AZIN2: variants seen among roughly 807,000 people sequenced by gnomAD.
AZIN2 encodes antizyme inhibitor 2.
Under a neutral mutation model 47.8 loss-of-function variants are expected in AZIN2, and 28 were observed. That is an observed-to-expected ratio of 0.59 (90% CI 0.43 to 0.80). The LOEUF (loss-of-function observed/expected upper bound fraction) is 0.80, where lower values mean the gene tolerates loss of function less well. Among genes scored for constraint, AZIN2 ranks in the 30% least tolerant of loss-of-function variants. The pLI, the probability that AZIN2 is intolerant of heterozygous loss-of-function variation, is 0.00. For synonymous variants in AZIN2, 221 were observed against 239.4 expected, an observed-to-expected ratio of 0.92 and a Z score of 0.71; for missense variants, 535 against 582.5, an observed-to-expected ratio of 0.92 and a Z score of 0.84.
the AZIN2 span, among the ~76,000 whole-genome samples, chr1:33,137,673 G>A: frequency 6.6e-6 from 1 of 152,142 alleles, no homozygotes; most frequent in African/African-American, 2.4e-5. Context: ...CAGAGTATGG[G>A]CTTGGGCTGG....
At chr1:33,144,786 TTC>T in the AZIN2 span, among the ~76,000 whole-genome samples, 1 of 152,084 alleles carries the variant, frequency 6.6e-6, no homozygotes, top group South Asian at 2.1e-4. Flanking sequence ...GTCTAGGTGG[TTC>T]CATACCCGTC....
At chr1:33,138,195 T>C in the AZIN2 span, among the ~76,000 whole-genome samples, 115 of 152,224 alleles carry the variant, frequency 7.6e-4, 1 homozygote, top group African/African-American at 2.6e-3. Flanking sequence ...GCAGGTTCCC[T>C]ACTCAGAATG....
chr1:33,160,033 C>T, the AZIN2 span: 1 of 1,533,764 alleles, frequency 6.5e-7, no homozygotes, highest in South Asian at 1.2e-5. Context: ...CCTTGACACA[C>T]AGAGAGGAAA....
At chr1:33,128,715 G>A in the AZIN2 span, among the ~76,000 whole-genome samples, 4 of 152,308 alleles carry the variant, frequency 2.6e-5, no homozygotes, top group South Asian at 6.2e-4. Context: ...AATGAAGTTG[G>A]TGAGGTCCTA....
chr1:33,091,172 TC>T (rs1642507003), intron 5 of AZIN2, among the ~76,000 whole-genome samples: 1 of 152,226 alleles, frequency 6.6e-6, no homozygotes, highest in South Asian at 2.1e-4. Flanking sequence ...TGCAGATATC[TC>T]TTTTACATAT....
chr1:33,098,990 C>T (rs1643437484), intron 10 of AZIN2, among the ~76,000 whole-genome samples: 2 of 152,120 alleles, frequency 1.3e-5, no homozygotes, highest in Admixed American at 1.3e-4. Context: ...GTCTCTAACC[C>T]TTGACCTCAA....
At position 33,123,490 on chromosome 1, in the gene AZIN2, G is replaced by A. The variant is rs556873601; in HGVS notation, c.*3308G>A. On this transcript the variant is annotated 3_prime_UTR_variant, in exon 12 of 12. Coordinates refer to ENST00000294517, the MANE Select transcript of AZIN2 (RefSeq NM_052998.4). ...GTCTGAATAAACATGCTCTTAACCT[G>A]TCTGAATCTGTTTACTCATTTGTAC... Among the ~76,000 whole-genome samples the A allele has an allele frequency of 1.3e-5, 2 of 152,302 alleles. No homozygotes were observed. Among genetic ancestry groups the A allele is most frequent in the South Asian group, 2.1e-4 (1 of 4,826 alleles).
intron 5 of AZIN2, 54 bp downstream of exon 5, chr1:33,084,181 T>C: frequency 6.3e-7 from 1 of 1,593,206 alleles, no homozygotes; most frequent in Non-Finnish European, 8.5e-7. Context: ...AACACACACA[T>C]GGCCAGGCTA....
chr1:33,103,120 T>C (rs1643831466), intron 10 of AZIN2, among the ~76,000 whole-genome samples: 1 of 152,090 alleles, frequency 6.6e-6, no homozygotes, highest in Non-Finnish European at 1.5e-5. Context: ...TCCACCCCCA[T>C]ACTACTACCT....
chr1:33,117,486 C>T (rs1164635840), intron 10 of AZIN2, among the ~76,000 whole-genome samples: 2 of 152,220 alleles, frequency 1.3e-5, no homozygotes, highest in African/African-American at 2.4e-5. Context: ...ACAGCAATCA[C>T]AACAATAAGT....
At position 33,114,652 on chromosome 1, in the gene AZIN2, C is replaced by CTT. The variant is rs35317929; in HGVS notation, c.1030-3230_1030-3229dup. Among the ~76,000 whole-genome samples the CTT allele has an allele frequency of 8.3e-3, 666 of 79,826 alleles. 49 individuals carry two copies. Among genetic ancestry groups the CTT allele is most frequent in the African/African-American group, 0.014 (246 of 17,114 alleles). 52.4% of individuals were successfully genotyped at this position (79,826 alleles called of 152,430 possible). A position where few individuals can be genotyped will look rare whatever the true frequency, so the allele number is the denominator to read the frequency against. ...ACAGGCATGAGCCACCGCGACCCGCCTTTTTTTTTTTTTTTTTTTTTGAGA... is the reference window on the plus strand; with the variant it reads ...ACAGGCATGAGCCACCGCGACCCGCCTTTTTTTTTTTTTTTTTTTTTTTGAGA... On this transcript the variant is annotated intron_variant, in intron 10 of 11. Coordinates refer to ENST00000294517, the MANE Select transcript of AZIN2 (RefSeq NM_052998.4).
chr1:33,107,743 C>T (rs1644085574), intron 10 of AZIN2, among the ~76,000 whole-genome samples: 1 of 152,058 alleles, frequency 6.6e-6, no homozygotes, highest in African/African-American at 2.4e-5. Flanking sequence ...TTTATAATTG[C>T]ATCAAAAAAT....
the AZIN2 span, chr1:33,165,463 A>T: frequency 6.3e-7 from 1 of 1,589,342 alleles, no homozygotes; most frequent in Non-Finnish European, 8.6e-7. The surrounding 1 kb of genome is among the most constrained non-coding windows in gnomAD (Gnocchi z 4.0). Flanking sequence ...CGCCCCGGCC[A>T]GGCTCACCTT....
At chr1:33,144,135 C>CTTT in the AZIN2 span, among the ~76,000 whole-genome samples, 220 of 146,482 alleles carry the variant, frequency 1.5e-3, 3 homozygotes, top group Middle Eastern at 3.6e-3. Context: ...AATGTTACTT[C>CTTT]TTTTTTTTTT....
chr1:33,141,495 A>C, the AZIN2 span, among the ~76,000 whole-genome samples: 1 of 152,144 alleles, frequency 6.6e-6, no homozygotes, highest in Non-Finnish European at 1.5e-5. Flanking sequence ...CCCTTCCAGC[A>C]TTCAGATTCG....
chr1:33,112,092 G>A (rs1644314609), intron 10 of AZIN2, among the ~76,000 whole-genome samples: 1 of 152,164 alleles, frequency 6.6e-6, no homozygotes, highest in African/African-American at 2.4e-5. Flanking sequence ...ATAACAACTA[G>A]ATTAGAAAAA....
intron 6 of AZIN2, 131 bp downstream of exon 6, chr1:33,092,353 G>C (rs901801858): frequency 3.5e-6 from 3 of 845,182 alleles, no homozygotes; most frequent in Non-Finnish European, 3.6e-6. Flanking sequence ...TGAAGGGGGG[G>C]GTGGGGTGAG....
intron 10 of AZIN2, among the ~76,000 whole-genome samples, chr1:33,111,997 C>T (rs775455034): frequency 5.9e-5 from 9 of 152,138 alleles, no homozygotes; most frequent in South Asian, 4.2e-4. Context: ...GAGACTTTAC[C>T]GGGCAATTCA....
the AZIN2 span, chr1:33,147,838 C>A: frequency 8.2e-7 from 1 of 1,224,574 alleles, no homozygotes; most frequent in Admixed American, 2.5e-5. The surrounding 1 kb of genome is among the most constrained non-coding windows in gnomAD (Gnocchi z 8.1). Context: ...GGCCTCTGAC[C>A]TGCTGTGTGA....
Sources: allele counts gnomAD v4.1 joint callset (sites outside exome capture counted in the v4.1 genomes callset), GRCh38; gene constraint gnomAD v4.1.1; non-coding constraint Gnocchi (gnomAD v3.1); transcripts MANE v1.5; gene names NCBI Gene and HGNC (gene_info 2026-07-23, HGNC 2026-07-21).